The following TMEM202 variants were observed in gnomAD, a reference collection of about 807,000 sequenced individuals.
The protein encoded by TMEM202 is transmembrane protein 202.
In TMEM202, 25 loss-of-function variants were observed where a neutral mutation model predicts 26.1. The observed-to-expected ratio is 0.96, with a 90% CI of 0.70 to 1.34. The LOEUF (loss-of-function observed/expected upper bound fraction) is 1.34. Ranked by LOEUF, TMEM202 falls within the 40% of genes most tolerant of loss-of-function variation. TMEM202 has a pLI of 0.00. For missense variants in TMEM202, 301 were observed against 327.7 expected (o/e 0.92, Z 0.63); for synonymous variants, 122 against 119.0 (o/e 1.02, Z -0.16).
rs564141574 is a variant in TMEM202 at position 72,407,432 on chromosome 15, G to A, written c.619+215G>A. On this transcript the variant is annotated intron_variant, in intron 4 of 4. Coordinates refer to ENST00000341689, the MANE Select transcript of TMEM202 (RefSeq NM_001080462.3). Reference sequence around the variant, plus strand: ...CTATCACAAAGTGAGGCATGGACAAGTTGAGTAACTTGCCCAAGACCACAC... The same window carrying A: ...CTATCACAAAGTGAGGCATGGACAAATTGAGTAACTTGCCCAAGACCACAC... Among the ~76,000 whole-genome samples the A allele has an allele frequency of 6.6e-5, 10 of 152,278 alleles. No homozygotes were observed. In the South Asian group the frequency reaches 2.1e-3, roughly 32 times the overall value.
chr15:72,407,075 T>G lies in TMEM202; in HGVS notation c.488-11T>G. The G allele has an allele frequency of 6.2e-7, 1 of 1,611,418 alleles. No individual in the cohort carries two copies. Among genetic ancestry groups the G allele is most frequent in the Non-Finnish European group, 8.5e-7 (1 of 1,179,500 alleles). On this transcript the variant is annotated splice_polypyrimidine_tract_variant and intron_variant, in intron 3 of 4. Coordinates refer to ENST00000341689, the MANE Select transcript of TMEM202 (RefSeq NM_001080462.3). Reference sequence around the variant, plus strand: ...GCTGATGGGTTGTGACATCTTTCCTTCTGGTCCTAGCTACCTGCTTGCTCC... The same window carrying G: ...GCTGATGGGTTGTGACATCTTTCCTGCTGGTCCTAGCTACCTGCTTGCTCC...
At position 72,407,752 on chromosome 15, in the gene TMEM202, T is replaced by A; in HGVS notation, c.681T>A (p.Thr227=). Residue 227 remains threonine, a synonymous_variant, in exon 5 of 5, where the codon ACT becomes ACA. Transcript: ENST00000341689. ...CGCCTGCCTGTGATGAAAACGTCAC[T>A]GTGATTCCAACAGAGAGATCAAGGC... is the stretch of plus-strand genomic sequence containing the variant. The part of the protein sequence containing the change: ...SRSPACDENV[T]VIPTERSRLG... The A allele has an allele frequency of 2.5e-6, 4 of 1,614,060 alleles. No homozygotes were observed. Among genetic ancestry groups the A allele is most frequent in the Non-Finnish European group, 3.4e-6 (4 of 1,179,954 alleles).
chr15:72,399,320 A>T (rs796070556), intron 2 of TMEM202, among the ~76,000 whole-genome samples: 134 of 151,720 alleles, frequency 8.8e-4, no homozygotes, highest in African/African-American at 2.8e-3. Context: ...ATTTTTTTAA[A>T]TTTTTTTTTC....
At chr15:72,403,228 A>G (rs955577064) in intron 2 of TMEM202, among the ~76,000 whole-genome samples, 1 of 152,150 alleles carries the variant, frequency 6.6e-6, no homozygotes, top group African/African-American at 2.4e-5. Context: ...CAATCTTGGT[A>G]GGGGTTTTAC....
intron 2 of TMEM202, among the ~76,000 whole-genome samples, chr15:72,405,406 G>A (rs747388230): frequency 1.8e-4 from 28 of 152,158 alleles, no homozygotes; most frequent in Non-Finnish European, 3.2e-4. Context: ...TGATGGGGAA[G>A]TCGAAGAACC....
chr15:72,399,421 G>A (rs2063537698), intron 2 of TMEM202, among the ~76,000 whole-genome samples: 1 of 152,162 alleles, frequency 6.6e-6, no homozygotes, highest in Admixed American at 6.5e-5. Flanking sequence ...GACTATAGGT[G>A]TAAGCCACCA....
In TMEM202 at chr15:72,408,118, G is replaced by A. The variant is rs925643684; in HGVS notation, c.*225G>A. The stretch of plus-strand genomic sequence containing the variant: ...AACATTTCTAAAAGAAAACAACAAT[G>A]TTTAGAGTCATGAATGAAAGAAACT... On this transcript the variant is annotated 3_prime_UTR_variant, in exon 5 of 5. Transcript: ENST00000341689. 2.0e-6 allele frequency: 1 copy of A among 493,596 alleles called. No individual in the cohort carries two copies. The highest frequency in any genetic ancestry group is 1.9e-5 in the African/African-American group (1 of 51,732). The allele number at this position is 493,596 out of a possible 1,614,324, so 30.6% of individuals were successfully genotyped here. A position where few individuals can be genotyped will look rare whatever the true frequency, so the allele number is the denominator to read the frequency against.
chr15:72,398,613 T>C, intron 1 of TMEM202, 40 bp from the exon 2 acceptor site: 6 of 1,607,858 alleles, frequency 3.7e-6, no homozygotes, highest in South Asian at 2.2e-5. Context: ...GGATCAGGGG[T>C]TATTCTTTCG....
chr15:72,407,241 C>G (rs148320440), intron 4 of TMEM202, 24 bp downstream of exon 4: 1 of 1,610,748 alleles, frequency 6.2e-7, no homozygotes, highest in Non-Finnish European at 8.5e-7. Flanking sequence ...CTGCTCTATG[C>G]TAGAAGGATG....
intron 2 of TMEM202, among the ~76,000 whole-genome samples, chr15:72,403,509 G>A (rs892026141): frequency 1.3e-5 from 2 of 152,138 alleles, no homozygotes; most frequent in African/African-American, 4.8e-5. Context: ...GTGACACAGG[G>A]GTGTTCGTTT....
In TMEM202 at chr15:72,404,189, A is replaced by G. The variant is rs150937399; in HGVS notation, c.338-2413A>G. On this transcript the variant is annotated intron_variant, in intron 2 of 4. Transcript: ENST00000341689. ...AGCACTTTGGGAGTCTGAGGTGGGC[A>G]GATCGCTTGAGCTCAGGAGTTTGAG... Among the ~76,000 whole-genome samples, 39 of 152,236 alleles carry G rather than the reference A, an allele frequency of 2.6e-4. 2 individuals are homozygous for G. The East Asian group carries it at 6.4e-3, about 25-fold the overall frequency.
At chr15:72,406,076 T>C (rs1373073190) in intron 2 of TMEM202, among the ~76,000 whole-genome samples, 1 of 151,926 alleles carries the variant, frequency 6.6e-6, no homozygotes, top group Non-Finnish European at 1.5e-5. Context: ...TATGATAGAA[T>C]ATTTTGTAGC....
In TMEM202 at chr15:72,398,685, C is replaced by T; in HGVS notation, c.114C>T (p.Ala38=). The change falls in exon 2 of 5, where the codon GCC becomes GCT. Residue 38 remains alanine (A), a synonymous_variant. Transcript: ENST00000341689. ...TCCCTGCCAAGAAACATCCAAGTGC[C>T]TCGATGTCATGCCAAAGGCAGCAGC... The part of the protein sequence containing the change: ...PTVPAKKHPS[A]SMSCQRQQQL... 1 of 1,614,170 alleles carries T rather than the reference C, an allele frequency of 6.2e-7. No homozygotes were observed. The highest frequency in any genetic ancestry group is 1.1e-5 in the South Asian group (1 of 91,086).
chr15:72,404,043 G>A (rs1889949879), intron 2 of TMEM202, among the ~76,000 whole-genome samples: 1 of 152,154 alleles, frequency 6.6e-6, no homozygotes, highest in Non-Finnish European at 1.5e-5. Flanking sequence ...AAATATCCTC[G>A]ACAGTGCTCC....
chr15:72,402,424 G>T (rs184974244), intron 2 of TMEM202, among the ~76,000 whole-genome samples: 105 of 152,294 alleles, frequency 6.9e-4, no homozygotes, highest in African/African-American at 2.5e-3. Context: ...TTAAGAATGT[G>T]CATGCTCATA....
intron 2 of TMEM202, among the ~76,000 whole-genome samples, chr15:72,406,246 T>C (rs913894181): frequency 6.6e-6 from 1 of 152,140 alleles, no homozygotes; most frequent in African/African-American, 2.4e-5. Flanking sequence ...TTGTGGCTAA[T>C]TTTTTTCCTG....
In TMEM202 at chr15:72,407,941, G is replaced by A. The variant is rs1229387859; in HGVS notation, c.*48G>A. ...GTCTTAAAAGCAGGGGAGAAGCTGA[G>A]TTGGGAATGGTCACATAAATTCTGG... On this transcript the variant is annotated 3_prime_UTR_variant, in exon 5 of 5. Coordinates refer to ENST00000341689, the MANE Select transcript of TMEM202 (RefSeq NM_001080462.3). The A allele has an allele frequency of 4.0e-6, 6 of 1,489,334 alleles. No homozygotes were observed. Among genetic ancestry groups the A allele is most frequent in the South Asian group, 1.2e-5 (1 of 85,976 alleles). 92.3% of individuals were successfully genotyped at this position (1,489,334 alleles called of 1,614,324 possible). A position where few individuals can be genotyped will look rare whatever the true frequency, so the allele number is the denominator to read the frequency against.
chr15:72,406,560 C>T, intron 2 of TMEM202, 42 bp from the exon 3 acceptor site: 4 of 1,592,882 alleles, frequency 2.5e-6, no homozygotes, highest in Non-Finnish European at 3.4e-6. Context: ...GAAGGTCCCT[C>T]ACTGGACTAA....
chr15:72,403,589 T>G (rs1037508976), intron 2 of TMEM202, among the ~76,000 whole-genome samples: 4 of 152,222 alleles, frequency 2.6e-5, no homozygotes, highest in Non-Finnish European at 5.9e-5. Context: ...TTTTGTGATT[T>G]AGATCCTAAG....
Sources: gnomAD v4.1 joint callset for allele counts (sites outside exome capture counted in the v4.1 genomes callset) on GRCh38, gnomAD v4.1.1 for gene constraint, MANE v1.5 for transcripts, NCBI Gene and HGNC (gene_info 2026-07-23, HGNC 2026-07-21) for gene names.